Variants in UVRAG observed in about 807,000 individuals in gnomAD.
UVRAG encodes the protein UV radiation resistance-associated gene protein.
Under a neutral mutation model 78.0 loss-of-function variants are expected in UVRAG, and 19 were observed. The observed-to-expected ratio is 0.24, with a 90% CI of 0.17 to 0.36. The LOEUF (loss-of-function observed/expected upper bound fraction) is 0.36. UVRAG is among the 10% of genes least tolerant of loss of function. The probability of loss-of-function intolerance (pLI) is 1.00; values close to 1 mark genes in which losing one functional copy is unlikely to be tolerated. For synonymous variants in UVRAG, 323 were observed against 324.6 expected, an observed-to-expected ratio of 1.00 and a Z score of 0.05; for missense variants, 740 against 853.8, an observed-to-expected ratio of 0.87 and a Z score of 1.66.
At position 76,001,960 on chromosome 11, in the gene UVRAG, A is replaced by T. The variant is rs367729746; in HGVS notation, c.827-2045A>T. ...AAGATTGATTTAAACAGAAACCATT[A>T]ATCAAGCTCATTCTAGGGAGAAATT... On this transcript the variant is annotated intron_variant, in intron 8 of 14. Transcript: ENST00000356136. 6.7e-4 allele frequency among the ~76,000 whole-genome samples: 102 copies of T among 152,332 alleles called. No individual in the cohort carries two copies. The South Asian group carries it at 0.021, about 31-fold the overall frequency.
intron 11 of UVRAG, chr11:76,012,802 TG>T (rs1381366520): frequency 3.2e-5 from 2 of 62,978 alleles, no homozygotes; most frequent in Non-Finnish European, 5.3e-5. Context: ...AATGTTTGTG[TG>T]TGTGTGTGTG....
At chr11:76,079,356 G>A (rs909625466) in intron 13 of UVRAG, among the ~76,000 whole-genome samples, 1 of 150,674 alleles carries the variant, frequency 6.6e-6, no homozygotes, top group Non-Finnish European at 1.5e-5. Context: ...ATAGTGGCTT[G>A]TGCCTGTAGT....
At chr11:75,952,560 C>A (rs1343479209) in intron 6 of UVRAG, among the ~76,000 whole-genome samples, 4 of 151,394 alleles carry the variant, frequency 2.6e-5, no homozygotes, top group Non-Finnish European at 5.9e-5. Flanking sequence ...GATTGATTTT[C>A]AAATATTATA....
At chr11:76,037,117 T>A (rs193022423) in intron 12 of UVRAG, among the ~76,000 whole-genome samples, 1 of 152,242 alleles carries the variant, frequency 6.6e-6, no homozygotes, top group East Asian at 1.9e-4. Context: ...ACTGAATAAG[T>A]GTGAATTTGA....
At position 76,077,736 on chromosome 11, in the gene UVRAG, G is replaced by A. The variant is rs367926630; in HGVS notation, c.1305+11948G>A. On this transcript the variant is annotated intron_variant, in intron 13 of 14. Transcript: ENST00000356136. ...CAAAGAAATTCAGACCCTAATATCT[G>A]ACTCTAAGTTCAGGAGACCGTACTT... is the stretch of plus-strand genomic sequence containing the variant. Among the ~76,000 whole-genome samples the A allele has an allele frequency of 3.9e-5, 6 of 152,284 alleles. No individual in the cohort carries two copies. In the East Asian group the frequency reaches 7.7e-4, roughly 20 times the overall value.
intron 6 of UVRAG, among the ~76,000 whole-genome samples, chr11:75,940,788 C>T (rs549034002): frequency 4.6e-5 from 7 of 152,216 alleles, no homozygotes; most frequent in South Asian, 2.1e-4. Flanking sequence ...AGATGAAGCA[C>T]GGGACTTTTG....
At chr11:75,962,333 A>G (rs1475780924) in intron 7 of UVRAG, among the ~76,000 whole-genome samples, 2 of 152,186 alleles carry the variant, frequency 1.3e-5, no homozygotes, top group Non-Finnish European at 2.9e-5. Flanking sequence ...TCAACTTAGC[A>G]GAGGGCCTTT....
chr11:75,890,718 A>G (rs1225748247), intron 5 of UVRAG, among the ~76,000 whole-genome samples: 1 of 152,210 alleles, frequency 6.6e-6, no homozygotes, highest in Non-Finnish European at 1.5e-5. Flanking sequence ...ACAAACAGTC[A>G]TTGGAGTCAT....
At chr11:76,060,039 T>C (rs537204397) in intron 12 of UVRAG, among the ~76,000 whole-genome samples, 7 of 152,222 alleles carry the variant, frequency 4.6e-5, no homozygotes, top group Non-Finnish European at 7.4e-5. Context: ...CAGCTTGGAG[T>C]CCTTTGTAGA....
At chr11:75,826,347 G>T (rs1349966588) in intron 1 of UVRAG, among the ~76,000 whole-genome samples, 1 of 151,708 alleles carries the variant, frequency 6.6e-6, no homozygotes, top group African/African-American at 2.4e-5. Flanking sequence ...AGTAGAGACG[G>T]GGTTTTACCA....
chr11:75,958,922 G>A (rs1948858908), intron 6 of UVRAG, among the ~76,000 whole-genome samples: 1 of 152,202 alleles, frequency 6.6e-6, no homozygotes, highest in African/African-American at 2.4e-5. Flanking sequence ...ATGCCCATCA[G>A]CACTCTTGGG....
At chr11:76,050,707 T>A (rs1950848327) in intron 12 of UVRAG, among the ~76,000 whole-genome samples, 1 of 152,222 alleles carries the variant, frequency 6.6e-6, no homozygotes, top group Non-Finnish European at 1.5e-5. Flanking sequence ...GCCTGCTGTA[T>A]CCTACTAACT....
chr11:76,102,439 A>C (rs1352371867), intron 13 of UVRAG, among the ~76,000 whole-genome samples: 1 of 152,064 alleles, frequency 6.6e-6, no homozygotes, highest in Non-Finnish European at 1.5e-5. Flanking sequence ...AACTTTGCTG[A>C]AGTTGTTTAT....
chr11:76,005,393 C>T (rs73496123), intron 9 of UVRAG, among the ~76,000 whole-genome samples: 18,190 of 151,966 alleles, frequency 0.12, 2,688 homozygotes, highest in African/African-American at 0.35. Context: ...TTATCTATTC[C>T]AATTCTCTCA....
chr11:75,834,524 C>T (rs1293667720), intron 1 of UVRAG, among the ~76,000 whole-genome samples: 1 of 152,090 alleles, frequency 6.6e-6, no homozygotes, highest in East Asian at 1.9e-4. Context: ...ACTTTAAGAC[C>T]ATGCATGGGG....
intron 7 of UVRAG, among the ~76,000 whole-genome samples, chr11:75,971,088 A>G (rs961269230): frequency 6.6e-6 from 1 of 152,122 alleles, no homozygotes; most frequent in Non-Finnish European, 1.5e-5. Flanking sequence ...CCATGATTTC[A>G]TATAGTAGGA....
chr11:75,977,849 G>A (rs1949280596), intron 7 of UVRAG, among the ~76,000 whole-genome samples: 1 of 152,050 alleles, frequency 6.6e-6, no homozygotes, highest in South Asian at 2.1e-4. Flanking sequence ...TCTTTTAATT[G>A]GAGCATTTAG....
chr11:76,037,303 C>A (rs541139057), intron 12 of UVRAG, among the ~76,000 whole-genome samples: 1 of 152,072 alleles, frequency 6.6e-6, no homozygotes, highest in African/African-American at 2.4e-5. Context: ...CATAACTCAC[C>A]CATTAACAGA....
intron 12 of UVRAG, among the ~76,000 whole-genome samples, chr11:76,053,382 A>G (rs533264515): frequency 6.6e-6 from 1 of 150,510 alleles, no homozygotes; most frequent in Admixed American, 6.6e-5. Context: ...CGTGTTTCCC[A>G]TCACAATTCA....
Sources: allele counts gnomAD v4.1 joint callset (sites outside exome capture counted in the v4.1 genomes callset), GRCh38; gene constraint gnomAD v4.1.1; transcripts MANE v1.5; gene names NCBI Gene and HGNC (gene_info 2026-07-23, HGNC 2026-07-21).